Variants in MOB3B observed in about 807,000 individuals in gnomAD.
MOB3B encodes MOB kinase activator 3B.
A neutral mutation model predicts 18.7 loss-of-function variants in MOB3B; 7 were observed. The ratio of observed to expected loss-of-function variants is 0.37; its 90% confidence interval spans 0.21 to 0.70. MOB3B has a LOEUF of 0.70. MOB3B is among the 30% of genes least tolerant of loss of function. MOB3B has a pLI of 0.52. For missense variants in MOB3B, 253 were observed against 281.3 expected (o/e 0.90, Z 0.72); for synonymous variants, 111 against 99.9 (o/e 1.11, Z -0.66).
chr9:27,361,292 G>C (rs1587155090), intron 2 of MOB3B, among the ~76,000 whole-genome samples: 1 of 152,142 alleles, frequency 6.6e-6, no homozygotes, highest in Non-Finnish European at 1.5e-5. Context: ...CAAAAAATGA[G>C]TATTACAGAG....
chr9:27,463,551 T>C (rs1243897811), intron 1 of MOB3B, among the ~76,000 whole-genome samples: 2 of 152,170 alleles, frequency 1.3e-5, no homozygotes, highest in African/African-American at 4.8e-5. Flanking sequence ...AAGAGATCTA[T>C]TTCTGGAAAC....
intron 2 of MOB3B, among the ~76,000 whole-genome samples, chr9:27,422,901 A>C (rs7035290): frequency 0.35 from 53,044 of 152,076 alleles, 9,485 homozygotes; most frequent in Non-Finnish European, 0.37. Flanking sequence ...AGCTGGGAAT[A>C]TGTATCTGGT....
At chr9:27,370,285 G>C (rs1016541338) in intron 2 of MOB3B, among the ~76,000 whole-genome samples, 1 of 152,048 alleles carries the variant, frequency 6.6e-6, no homozygotes, top group Non-Finnish European at 1.5e-5. Flanking sequence ...AAGGTGGGCA[G>C]ATCACCTGAG....
At chr9:27,436,252 T>G (rs2131427861) in intron 2 of MOB3B, among the ~76,000 whole-genome samples, 1 of 152,360 alleles carries the variant, frequency 6.6e-6, no homozygotes, top group Non-Finnish European at 1.5e-5. Flanking sequence ...TCTGTTAAAC[T>G]TTTCACACTT....
intron 2 of MOB3B, among the ~76,000 whole-genome samples, chr9:27,403,389 C>T (rs1821913933): frequency 6.6e-6 from 1 of 152,022 alleles, no homozygotes; most frequent in Admixed American, 6.6e-5. Context: ...ATTTAAGCTT[C>T]AGGAACCACA....
chr9:27,478,858 T>G (rs1819603055), intron 1 of MOB3B, among the ~76,000 whole-genome samples: 1 of 127,772 alleles, frequency 7.8e-6, no homozygotes, highest in Non-Finnish European at 1.7e-5. Context: ...CACACAGCGG[T>G]AAATGGCAGA....
chr9:27,406,818 A>G (rs572751419), intron 2 of MOB3B, among the ~76,000 whole-genome samples: 4 of 152,218 alleles, frequency 2.6e-5, no homozygotes, highest in Admixed American at 2.0e-4. Context: ...GCTCAAGGAC[A>G]TTGGTCTGGC....
intron 2 of MOB3B, among the ~76,000 whole-genome samples, chr9:27,398,258 A>C: frequency 6.6e-6 from 1 of 152,328 alleles, no homozygotes; most frequent in South Asian, 2.1e-4. Flanking sequence ...GGGCAGAAGG[A>C]TCGTCATCTC....
At position 27,515,181 on chromosome 9, in the gene MOB3B, T is replaced by C. The variant is rs921823619; in HGVS notation, c.-199+14374A>G. The stretch of plus-strand genomic sequence containing the variant: ...ACATTTGAACTGTGCCCCGACTTCA[T>C]CTTGCTTTTTTACTGTTGTTTTCCC... On this transcript the variant is annotated intron_variant, in intron 1 of 3. Coordinates refer to ENST00000262244, the MANE Select transcript of MOB3B (RefSeq NM_024761.5). Among the ~76,000 whole-genome samples the C allele has an allele frequency of 1.1e-4, 16 of 152,354 alleles. No homozygotes were observed. In the South Asian group the frequency reaches 3.3e-3, roughly 32 times the overall value.
intron 3 of MOB3B, among the ~76,000 whole-genome samples, chr9:27,347,285 GTTT>G (rs769677361): frequency 1.6e-4 from 25 of 152,374 alleles, no homozygotes; most frequent in Non-Finnish European, 2.4e-4. Flanking sequence ...AAGGGCCACA[GTTT>G]GGTAACTGCT....
At chr9:27,404,347 C>CTTTTTTTTTTTTTTTTTTTT (rs756275032) in intron 2 of MOB3B, among the ~76,000 whole-genome samples, 11 of 75,174 alleles carry the variant, frequency 1.5e-4, no homozygotes, top group African/African-American at 2.9e-4. Flanking sequence ...TTCTTTCTTT[C>CTTTTTTTTTTTTTTTTTTTT]TTTTTTTTTT....
intron 3 of MOB3B, among the ~76,000 whole-genome samples, chr9:27,335,047 C>T (rs996713276): frequency 9.9e-4 from 150 of 152,250 alleles, no homozygotes; most frequent in African/African-American, 3.3e-3. Flanking sequence ...CCTCGTGATC[C>T]GCCTGCCTTG....
chr9:27,439,686 C>T (rs1020659793), intron 2 of MOB3B, among the ~76,000 whole-genome samples: 2 of 152,160 alleles, frequency 1.3e-5, no homozygotes, highest in African/African-American at 4.8e-5. Flanking sequence ...TATCCTTTTA[C>T]TTTTTCCCCC....
intron 2 of MOB3B, among the ~76,000 whole-genome samples, chr9:27,412,770 C>G (rs751955104): frequency 2.0e-5 from 3 of 152,204 alleles, no homozygotes; most frequent in Non-Finnish European, 4.4e-5. Context: ...AAACAGTGAC[C>G]GTGGTGGGTT....
intron 1 of MOB3B, among the ~76,000 whole-genome samples, chr9:27,469,329 C>T (rs1819436532): frequency 6.6e-6 from 1 of 152,094 alleles, no homozygotes; most frequent in African/African-American, 2.4e-5. Context: ...AGTGAAAACT[C>T]AACTTCTGTG....
At chr9:27,462,895 A>G (rs1819315998) in intron 1 of MOB3B, among the ~76,000 whole-genome samples, 1 of 152,228 alleles carries the variant, frequency 6.6e-6, no homozygotes, top group Non-Finnish European at 1.5e-5. Flanking sequence ...ATTCGAAAAT[A>G]CAGTTTGAAT....
At chr9:27,409,769 T>G (rs1214655751) in intron 2 of MOB3B, among the ~76,000 whole-genome samples, 1 of 152,198 alleles carries the variant, frequency 6.6e-6, no homozygotes, top group Non-Finnish European at 1.5e-5. Context: ...AAGGAAATTA[T>G]ATACTTATGA....
At chr9:27,502,884 C>T (rs927344956) in intron 1 of MOB3B, among the ~76,000 whole-genome samples, 1 of 152,204 alleles carries the variant, frequency 6.6e-6, no homozygotes, top group Non-Finnish European at 1.5e-5. Flanking sequence ...GTGTTAAGAT[C>T]AGCAATTCTA....
At chr9:27,525,266 C>A (rs1389740851) in intron 1 of MOB3B, among the ~76,000 whole-genome samples, 1 of 152,076 alleles carries the variant, frequency 6.6e-6, no homozygotes, top group African/African-American at 2.4e-5. Flanking sequence ...CTATATATAC[C>A]ACCTGTGGAC....
Sources: allele counts gnomAD v4.1 joint callset (sites outside exome capture counted in the v4.1 genomes callset), GRCh38; gene constraint gnomAD v4.1.1; transcripts MANE v1.5; gene names NCBI Gene and HGNC (gene_info 2026-07-23, HGNC 2026-07-21).